CFAP210: variants seen among roughly 807,000 people sequenced by gnomAD.
CFAP210 encodes cilia- and flagella- associated protein 210.
At chr2:169,654,060 A>G in the CFAP210 span, 1 of 1,600,722 alleles carries the variant, frequency 6.2e-7, no homozygotes. Context: ...TATTATACAC[A>G]TTATTAAAGC....
the CFAP210 span, chr2:169,646,121 G>A: frequency 6.2e-7 from 1 of 1,613,938 alleles, no homozygotes; most frequent in Non-Finnish European, 8.5e-7. Context: ...AAGAGCTTCA[G>A]TAAGTCTGCA....
chr2:169,661,657 T>C, the CFAP210 span, among the ~76,000 whole-genome samples: 2 of 152,184 alleles, frequency 1.3e-5, no homozygotes, highest in African/African-American at 4.8e-5. Flanking sequence ...AGAAAATATA[T>C]TCATTGTTTT....
chr2:169,674,470 C>T, the CFAP210 span: 1 of 939,030 alleles, frequency 1.1e-6, no homozygotes, highest in Non-Finnish European at 1.5e-6. Context: ...TGTACTTTTT[C>T]TACTGACTAA....
chr2:169,661,936 A>C, the CFAP210 span, among the ~76,000 whole-genome samples: 1 of 152,196 alleles, frequency 6.6e-6, no homozygotes, highest in South Asian at 2.1e-4. Context: ...ATTCTATCAG[A>C]AGCTGGTAAG....
chr2:169,690,939 T>G, the CFAP210 span, among the ~76,000 whole-genome samples: 2 of 152,188 alleles, frequency 1.3e-5, no homozygotes, highest in African/African-American at 4.8e-5. Flanking sequence ...TGTGATGTTT[T>G]TCATCAAATT....
the CFAP210 span, among the ~76,000 whole-genome samples, chr2:169,676,711 C>T: frequency 2.0e-5 from 3 of 151,864 alleles, no homozygotes; most frequent in Non-Finnish European, 4.4e-5. Flanking sequence ...GTTCCTAAAG[C>T]GAGGTACTAT....
chr2:169,654,723 G>A, the CFAP210 span, among the ~76,000 whole-genome samples: 1 of 151,858 alleles, frequency 6.6e-6, no homozygotes, highest in Admixed American at 6.6e-5. Context: ...TTCTCTTCAA[G>A]TATCTCATGT....
At chr2:169,652,636 A>G in the CFAP210 span, among the ~76,000 whole-genome samples, 1 of 152,132 alleles carries the variant, frequency 6.6e-6, no homozygotes, top group Non-Finnish European at 1.5e-5. Context: ...TAATAAAAAT[A>G]AAAATCTCTG....
At chr2:169,674,071 G>C in the CFAP210 span, among the ~76,000 whole-genome samples, 1 of 152,088 alleles carries the variant, frequency 6.6e-6, no homozygotes, top group African/African-American at 2.4e-5. Flanking sequence ...TAGACTGATG[G>C]AAGGCCAAGT....
At chr2:169,686,672 T>A in the CFAP210 span, among the ~76,000 whole-genome samples, 3 of 152,242 alleles carry the variant, frequency 2.0e-5, no homozygotes, top group Non-Finnish European at 4.4e-5. Flanking sequence ...AAGCCATTAA[T>A]CCATTCACAG....
chr2:169,666,458 ATAAAG>A, the CFAP210 span, among the ~76,000 whole-genome samples: 1 of 151,520 alleles, frequency 6.6e-6, no homozygotes, highest in African/African-American at 2.4e-5. Flanking sequence ...TCAAATCTCA[ATAAAG>A]TATAGTCACT....
the CFAP210 span, chr2:169,674,770 C>G: frequency 6.4e-7 from 1 of 1,550,982 alleles, no homozygotes; most frequent in Non-Finnish European, 8.7e-7. Flanking sequence ...GAAGTCCCGA[C>G]TACAAAAGAA....
chr2:169,656,299 G>A, the CFAP210 span, among the ~76,000 whole-genome samples: 7 of 150,676 alleles, frequency 4.6e-5, no homozygotes, highest in African/African-American at 1.2e-4. Flanking sequence ...CAAAAAAAGA[G>A]GAAGAGGAAG....
At chr2:169,654,606 TTATAATG>T in the CFAP210 span, among the ~76,000 whole-genome samples, 1 of 152,164 alleles carries the variant, frequency 6.6e-6, no homozygotes, top group Non-Finnish European at 1.5e-5. Flanking sequence ...AAGTACAACT[TTATAATG>T]TATAAATGAC....
chr2:169,646,081 G>C, the CFAP210 span: 1 of 1,613,700 alleles, frequency 6.2e-7, no homozygotes, highest in Non-Finnish European at 8.5e-7. Flanking sequence ...CTCTGGCATA[G>C]TCCTGAAATT....
the CFAP210 span, among the ~76,000 whole-genome samples, chr2:169,678,055 C>T: frequency 6.6e-6 from 1 of 152,020 alleles, no homozygotes; most frequent in Non-Finnish European, 1.5e-5. Flanking sequence ...GAAATTAAGA[C>T]TTAGGCTGGG....
At chr2:169,694,381 C>G in the CFAP210 span, 86 of 1,565,420 alleles carry the variant, frequency 5.5e-5, no homozygotes, top group Non-Finnish European at 7.3e-5. Flanking sequence ...CGGACGCCAG[C>G]CGGTGGAGTT....
the CFAP210 span, among the ~76,000 whole-genome samples, chr2:169,682,668 C>T: frequency 6.6e-6 from 1 of 152,024 alleles, no homozygotes; most frequent in African/African-American, 2.4e-5. Flanking sequence ...GGTAAGACAT[C>T]AAAGGAAGGA....
At chr2:169,645,656 C>T in the CFAP210 span, 10 of 553,002 alleles carry the variant, frequency 1.8e-5, no homozygotes, top group African/African-American at 1.1e-4. Flanking sequence ...TATTTTACCA[C>T]AGTTAAAAAA....
Sources: allele counts gnomAD v4.1 joint callset (sites outside exome capture counted in the v4.1 genomes callset), GRCh38; gene constraint gnomAD v4.1.1; transcripts MANE v1.5; gene names NCBI Gene and HGNC (gene_info 2026-07-23, HGNC 2026-07-21).